C1QTNF7: variants seen among roughly 807,000 people sequenced by gnomAD.
The protein encoded by C1QTNF7 is C1q and TNF related 7.
In C1QTNF7, 15 loss-of-function variants were observed where a neutral mutation model predicts 19.6. The observed-to-expected ratio is 0.76, with a 90% CI of 0.51 to 1.18. The LOEUF (loss-of-function observed/expected upper bound fraction) is 1.18. Ranked by LOEUF, C1QTNF7 falls within the 50% of genes most tolerant of loss-of-function variation. C1QTNF7 has a pLI of 0.00. For missense variants in C1QTNF7, 324 were observed against 359.7 expected (o/e 0.90, Z 0.80); for synonymous variants, 142 against 137.5 (o/e 1.03, Z -0.23).
chr4:15,390,069 C>T (rs560986929), intron 1 of C1QTNF7, among the ~76,000 whole-genome samples: 13 of 152,194 alleles, frequency 8.5e-5, no homozygotes, highest in Admixed American at 5.2e-4. Flanking sequence ...GGAATTTGTC[C>T]GCTGTATACA....
chr4:15,424,804 A>T (rs918802541), upstream of C1QTNF7, among the ~76,000 whole-genome samples: 26 of 152,144 alleles, frequency 1.7e-4, no homozygotes, highest in African/African-American at 6.3e-4. Context: ...CTGGATTTTA[A>T]CAAGTTCTAA....
Position 15,350,905 on chromosome 4 carries a change from T to C in C1QTNF7, c.13+10698T>C, listed in dbSNP as rs1716913075. On this transcript the variant is annotated intron_variant, in intron 1 of 2. Transcript: ENST00000295297. The stretch of plus-strand genomic sequence containing the variant: ...TTTGAAGTAATTTCCCAAGATTTGA[T>C]GTTAATTACTTAGGATTCTAATCCA... Among the ~76,000 whole-genome samples, 3 of 152,214 alleles carry C rather than the reference T, an allele frequency of 2.0e-5. No homozygotes were observed. In the South Asian group the frequency reaches 6.2e-4, roughly 32 times the overall value.
At chr4:15,401,071 C>A (rs2108907510) in intron 1 of C1QTNF7, among the ~76,000 whole-genome samples, 1 of 152,254 alleles carries the variant, frequency 6.6e-6, no homozygotes, top group Admixed American at 6.5e-5. Flanking sequence ...GCGGGCGCAC[C>A]CCAGTGCTGC....
At chr4:15,429,328 C>T (rs1034078727) in intron 1 of C1QTNF7, among the ~76,000 whole-genome samples, 4 of 152,176 alleles carry the variant, frequency 2.6e-5, no homozygotes, top group African/African-American at 7.2e-5. Flanking sequence ...CACCATCTCT[C>T]CAGGACTTCT....
intron 1 of C1QTNF7, among the ~76,000 whole-genome samples, chr4:15,346,077 A>G (rs1716708938): frequency 6.6e-6 from 1 of 152,232 alleles, no homozygotes; most frequent in Non-Finnish European, 1.5e-5. Context: ...ATTTCCAACT[A>G]AAGTGTATTT....
intron 2 of C1QTNF7, 120 bp from the exon 3 acceptor site, chr4:15,442,048 G>T (rs1287550094): frequency 4.6e-6 from 5 of 1,075,632 alleles, no homozygotes; most frequent in Admixed American, 5.1e-5. Flanking sequence ...TTATTTAGTA[G>T]TACACTGTTA....
At chr4:15,341,847 C>G (rs1230152899) in intron 1 of C1QTNF7, among the ~76,000 whole-genome samples, 1 of 152,194 alleles carries the variant, frequency 6.6e-6, no homozygotes, top group African/African-American at 2.4e-5. Context: ...CTGAGTGCAC[C>G]CTGGGGACGG....
At chr4:15,387,034 C>T (rs375941134) in intron 1 of C1QTNF7, among the ~76,000 whole-genome samples, 16 of 151,898 alleles carry the variant, frequency 1.1e-4, no homozygotes, top group Admixed American at 9.8e-4. Context: ...CAGAAGACAG[C>T]GTTGAAAGGA....
intron 1 of C1QTNF7, among the ~76,000 whole-genome samples, chr4:15,350,883 G>T (rs1029586249): frequency 2.0e-5 from 3 of 152,156 alleles, no homozygotes; most frequent in Admixed American, 6.5e-5. Flanking sequence ...TAAGATTTTT[G>T]AAGTAATTTC....
At position 15,442,485 on chromosome 4, in the gene C1QTNF7, A is replaced by G; in HGVS notation, c.556A>G (p.Ile186Val). 1 of 1,614,198 alleles carries G rather than the reference A, an allele frequency of 6.2e-7. No individual in the cohort carries two copies. Among genetic ancestry groups the G allele is most frequent in the Non-Finnish European group, 8.5e-7 (1 of 1,180,026 alleles). Residue 186 changes from isoleucine (I) to valine (V), a missense_variant, in exon 3 of 3, where the codon ATC becomes GTC. Coordinates refer to ENST00000444304, the MANE Select transcript of C1QTNF7 (RefSeq NM_031911.5). The part of the protein sequence containing the change: ...EHYNPATGKF[I>V]CAFPGIYYFS... ...CTACAACCCTGCCACAGGGAAGTTC[A>G]TCTGTGCTTTCCCAGGGATCTATTA...
chr4:15,340,319 T>C (rs1716495578), intron 1 of C1QTNF7: 1 of 1,268,128 alleles, frequency 7.9e-7, no homozygotes, highest in Non-Finnish European at 1.1e-6. Context: ...TGGGGGAACT[T>C]GTAAAAATAT....
At chr4:15,423,573 G>C (rs16891929), upstream of C1QTNF7, among the ~76,000 whole-genome samples, 38,638 of 152,102 alleles carry the variant, frequency 0.25, 5,933 homozygotes, top group East Asian at 0.37. Flanking sequence ...CAACAGCCTG[G>C]TTCATGAAAT....
intron 1 of C1QTNF7, among the ~76,000 whole-genome samples, chr4:15,364,596 A>AT (rs749972937): frequency 3.3e-5 from 5 of 152,242 alleles, no homozygotes; most frequent in Non-Finnish European, 5.9e-5. Context: ...TTTCTCTAGC[A>AT]TTAGTTAAAA....
chr4:15,435,671 A>G (rs1244293021), intron 1 of C1QTNF7, 65 bp from the exon 2 acceptor site: 53 of 1,586,486 alleles, frequency 3.3e-5, no homozygotes, highest in East Asian at 1.3e-4. Context: ...AACTGATTCA[A>G]TCATGCCAAA....
intron 1 of C1QTNF7, among the ~76,000 whole-genome samples, chr4:15,349,545 C>T (rs780174067): frequency 1.3e-5 from 2 of 152,088 alleles, no homozygotes; most frequent in Non-Finnish European, 2.9e-5. Flanking sequence ...GGAGGAGGAA[C>T]AAAATATGTG....
At chr4:15,385,355 G>A (rs545329777) in intron 1 of C1QTNF7, among the ~76,000 whole-genome samples, 107 of 152,306 alleles carry the variant, frequency 7.0e-4, no homozygotes, top group African/African-American at 2.5e-3. Flanking sequence ...AGACAGGTGG[G>A]TCAGATAAGG....
chr4:15,375,377 G>C (rs1717899902), intron 1 of C1QTNF7, among the ~76,000 whole-genome samples: 1 of 152,148 alleles, frequency 6.6e-6, no homozygotes, highest in Non-Finnish European at 1.5e-5. Context: ...GCCATGGGAG[G>C]ATAATGCAAT....
intron 1 of C1QTNF7, among the ~76,000 whole-genome samples, chr4:15,432,640 C>A (rs374031913): frequency 6.6e-6 from 1 of 152,182 alleles, no homozygotes. Context: ...AGTGATCCTC[C>A]AACCTTGGCC....
chr4:15,437,013 C>G (rs1239056877), intron 2 of C1QTNF7, among the ~76,000 whole-genome samples: 2 of 152,076 alleles, frequency 1.3e-5, no homozygotes, highest in African/African-American at 4.8e-5. Flanking sequence ...GATAAAGAAC[C>G]TTTAGGGAAA....
Sources: allele counts gnomAD v4.1 joint callset (sites outside exome capture counted in the v4.1 genomes callset), GRCh38; gene constraint gnomAD v4.1.1; transcripts MANE v1.5; gene names NCBI Gene and HGNC (gene_info 2026-07-23, HGNC 2026-07-21).